The following SNX29 variants were observed in gnomAD, a reference collection of about 807,000 sequenced individuals.
The protein encoded by SNX29 is sorting nexin-29.
SNX29 carries 78 observed loss-of-function variants against 102.1 expected under a neutral mutation model. The observed-to-expected ratio is 0.76, with a 90% CI of 0.64 to 0.92. The LOEUF (loss-of-function observed/expected upper bound fraction) is 0.92, where lower values mean the gene tolerates loss of function less well. Ranked by LOEUF, SNX29 falls within the 40% of genes least tolerant of loss-of-function variation. The pLI, the probability that SNX29 is intolerant of heterozygous loss-of-function variation, is 0.00. For synonymous variants in SNX29, 580 were observed against 414.5 expected (o/e 1.40, Z -4.85); for missense variants, 1,280 against 1,061.7 (o/e 1.21, Z -2.86).
chr16:12,331,913 G>C (rs919426518), intron 15 of SNX29, among the ~76,000 whole-genome samples: 2 of 152,076 alleles, frequency 1.3e-5, no homozygotes, highest in Non-Finnish European at 2.9e-5. Context: ...AGGAACCTTA[G>C]CAGGCAAGTG....
chr16:12,454,967 C>T lies in SNX29; in HGVS notation c.2038-22752C>T, dbSNP rs560958991. On this transcript the variant is annotated intron_variant, in intron 18 of 20. Coordinates refer to ENST00000566228, the MANE Select transcript of SNX29 (RefSeq NM_032167.5). Reference sequence around the variant, plus strand: ...TTCACCATTTTGGCCAAAGTGGTCTCGAACTCCTGACCTCAAGTGATCCAC... The same window carrying T: ...TTCACCATTTTGGCCAAAGTGGTCTTGAACTCCTGACCTCAAGTGATCCAC... 3.3e-5 allele frequency among the ~76,000 whole-genome samples: 5 copies of T among 152,262 alleles called. No homozygotes were observed. The South Asian group carries it at 6.2e-4, about 19-fold the overall frequency.
chr16:12,572,423 G>C lies in SNX29; in HGVS notation c.*3794G>C, dbSNP rs1463427947. 1 of 1,062,906 alleles carries C rather than the reference G, an allele frequency of 9.4e-7. No individual in the cohort carries two copies. Among genetic ancestry groups the C allele is most frequent in the African/African-American group, 1.6e-5 (1 of 60,942 alleles). 65.8% of individuals were successfully genotyped at this position (1,062,906 alleles called of 1,614,324 possible). A position where few individuals can be genotyped will look rare whatever the true frequency, so the allele number is the denominator to read the frequency against. ...AGGCAGGGCTCTGTGGCCCAGGCCG[G>C]CAGTGGCTGCCTCTCTTGGTTCTGC... On this transcript the variant is annotated 3_prime_UTR_variant, in exon 21 of 21. Transcript: ENST00000566228.
At chr16:12,094,678 C>T (rs535257592) in intron 11 of SNX29, among the ~76,000 whole-genome samples, 18 of 152,260 alleles carry the variant, frequency 1.2e-4, no homozygotes, top group East Asian at 7.7e-4. Flanking sequence ...AGGGTCCTTC[C>T]GGCATCTGCT....
At chr16:12,177,906 A>G (rs573304835) in intron 13 of SNX29, among the ~76,000 whole-genome samples, 11 of 152,256 alleles carry the variant, frequency 7.2e-5, no homozygotes, top group Admixed American at 4.6e-4. Context: ...TGTTGGGAGA[A>G]CACTCTGTGC....
intron 10 of SNX29, among the ~76,000 whole-genome samples, chr16:12,074,213 T>C (rs1052115612): frequency 1.2e-4 from 18 of 152,224 alleles, no homozygotes; most frequent in African/African-American, 3.9e-4. Context: ...CCTGTCATTA[T>C]GATGTTAGCT....
chr16:12,336,230 GC>G (rs2081445347), intron 15 of SNX29, among the ~76,000 whole-genome samples: 1 of 152,198 alleles, frequency 6.6e-6, no homozygotes, highest in Non-Finnish European at 1.5e-5. Flanking sequence ...TAGGGAGAAA[GC>G]TTTGGTTTGG....
intron 20 of SNX29, among the ~76,000 whole-genome samples, chr16:12,540,184 T>G (rs753458733): frequency 2.2e-4 from 33 of 152,182 alleles, no homozygotes; most frequent in Non-Finnish European, 1.6e-4. Context: ...GAGTGGACTT[T>G]TGTGTCAGGT....
intron 17 of SNX29, among the ~76,000 whole-genome samples, chr16:12,403,222 G>C (rs920877540): frequency 6.8e-6 from 1 of 148,112 alleles, no homozygotes; most frequent in South Asian, 2.1e-4. Flanking sequence ...GTGTGTGTGT[G>C]TGTGTGTGTG....
chr16:12,514,916 GAGAGAA>G (rs2089796061), intron 19 of SNX29, among the ~76,000 whole-genome samples: 2 of 143,208 alleles, frequency 1.4e-5, no homozygotes, highest in East Asian at 2.2e-4. Flanking sequence ...GAGAAAGAAA[GAGAGAA>G]AGAAAGAAAG....
At chr16:12,123,490 ATATAT>A (rs2054067835) in intron 11 of SNX29, among the ~76,000 whole-genome samples, 1 of 152,158 alleles carries the variant, frequency 6.6e-6, no homozygotes, top group South Asian at 2.1e-4. Context: ...TCATATACAT[ATATAT>A]CATATACATA....
At chr16:11,987,695 C>G (rs1029088271) in intron 1 of SNX29, among the ~76,000 whole-genome samples, 2 of 152,108 alleles carry the variant, frequency 1.3e-5, no homozygotes, top group South Asian at 2.1e-4. Flanking sequence ...ATGCCTGATT[C>G]TGACTCTTAC....
intron 20 of SNX29, among the ~76,000 whole-genome samples, chr16:12,548,295 C>T (rs1333618043): frequency 1.3e-5 from 2 of 152,178 alleles, no homozygotes; most frequent in South Asian, 4.1e-4. Context: ...CTGGAAGCTA[C>T]TGTCCCTGGA....
chr16:12,406,502 G>T (rs2084171769), intron 18 of SNX29, among the ~76,000 whole-genome samples: 2 of 152,242 alleles, frequency 1.3e-5, no homozygotes, highest in African/African-American at 4.8e-5. Context: ...AATTCGACTG[G>T]AGAGCCAAGA....
intron 20 of SNX29, among the ~76,000 whole-genome samples, chr16:12,537,542 A>G (rs1031918838): frequency 1.3e-5 from 2 of 152,206 alleles, no homozygotes; most frequent in Non-Finnish European, 2.9e-5. Flanking sequence ...ATTACCTACT[A>G]TGGAGCTTCT....
intron 16 of SNX29, among the ~76,000 whole-genome samples, chr16:12,361,310 T>G (rs1443111079): frequency 6.6e-6 from 1 of 152,256 alleles, no homozygotes. Flanking sequence ...TGGTCCCATT[T>G]CTTAGGACAG....
chr16:12,395,774 T>C (rs1048749135), intron 16 of SNX29, among the ~76,000 whole-genome samples: 3 of 152,202 alleles, frequency 2.0e-5, no homozygotes, highest in African/African-American at 7.2e-5. Flanking sequence ...CAAAATAATC[T>C]CTGCTCCACA....
At chr16:12,545,699 C>G (rs1390194313) in intron 20 of SNX29, 1 of 152,296 alleles carries the variant, frequency 6.6e-6, no homozygotes, top group Non-Finnish European at 1.5e-5. Context: ...GTGGCTGGTG[C>G]AAGGTGGGTG....
intron 13 of SNX29, among the ~76,000 whole-genome samples, chr16:12,174,584 A>G (rs9788826): frequency 0.17 from 25,868 of 152,246 alleles, 2,374 homozygotes; most frequent in East Asian, 0.28. Context: ...TGGAAGAGGA[A>G]TTAACAATGA....
At position 12,136,015 on chromosome 16, in the gene SNX29, G is replaced by C. The variant is rs535741675; in HGVS notation, c.1595+6257G>C. Among the ~76,000 whole-genome samples, 3 of 152,352 alleles carry C rather than the reference G, an allele frequency of 2.0e-5. No homozygotes were observed. The South Asian group carries it at 6.2e-4, about 32-fold the overall frequency. ...GTATGTCACTGGGACCGGCCTCGCA[G>C]TTACTCTTCTGTCGTGACTCAGAGT... On this transcript the variant is annotated intron_variant, in intron 13 of 20. Transcript: ENST00000566228.
Sources: gnomAD v4.1 joint callset for allele counts (sites outside exome capture counted in the v4.1 genomes callset) on GRCh38, gnomAD v4.1.1 for gene constraint, MANE v1.5 for transcripts, NCBI Gene and HGNC (gene_info 2026-07-23, HGNC 2026-07-21) for gene names.